Variants in THOC1 observed in about 807,000 individuals in gnomAD.
THOC1 encodes the protein THO complex subunit 1.
A neutral mutation model predicts 97.3 loss-of-function variants in THOC1; 29 were observed. That is an observed-to-expected ratio of 0.30 (90% CI 0.22 to 0.41). The LOEUF (loss-of-function observed/expected upper bound fraction) is 0.41, where lower values mean the gene tolerates loss of function less well. THOC1 is among the 10% of genes least tolerant of loss of function. THOC1 has a pLI of 1.00. For synonymous variants in THOC1, 255 were observed against 257.0 expected (o/e 0.99, Z 0.07); for missense variants, 529 against 761.9 (o/e 0.69, Z 3.60).
intron 11 of THOC1, among the ~76,000 whole-genome samples, chr18:243,059 AG>A (rs1911961033): frequency 6.6e-6 from 1 of 152,248 alleles, no homozygotes; most frequent in Admixed American, 6.5e-5. Context: ...TTGTTGCTTA[AG>A]GGGCAACAAA....
At chr18:230,463 G>T (rs1030938759) in intron 11 of THOC1, among the ~76,000 whole-genome samples, 5 of 152,150 alleles carry the variant, frequency 3.3e-5, no homozygotes, top group Non-Finnish European at 5.9e-5. Flanking sequence ...AGAAACAATG[G>T]ATTGAAAATA....
At chr18:225,068 G>T in intron 14 of THOC1, 21 bp downstream of exon 14, 1 of 1,569,680 alleles carries the variant, frequency 6.4e-7, no homozygotes, top group Non-Finnish European at 8.7e-7. Flanking sequence ...AGAAGAGGAT[G>T]TAAGCATAAA....
intron 7 of THOC1, among the ~76,000 whole-genome samples, chr18:255,676 G>A (rs967147436): frequency 2.6e-5 from 4 of 152,180 alleles, no homozygotes; most frequent in African/African-American, 9.6e-5. Context: ...GATGAAGGTG[G>A]CTACACTCAA....
chr18:216,999 T>A (rs1910914637), intron 18 of THOC1, among the ~76,000 whole-genome samples: 1 of 152,244 alleles, frequency 6.6e-6, no homozygotes, highest in Non-Finnish European at 1.5e-5. Context: ...TTGGAATCCA[T>A]GAACTGTTCC....
chr18:260,375 T>C, intron 4 of THOC1, 71 bp from the exon 5 acceptor site: 1 of 967,840 alleles, frequency 1.0e-6, no homozygotes, highest in Non-Finnish European at 1.4e-6. Context: ...GAAAAATAAT[T>C]CTGAAGAATA....
chr18:232,437 C>T (rs954026614), intron 11 of THOC1, among the ~76,000 whole-genome samples: 4 of 151,866 alleles, frequency 2.6e-5, no homozygotes, highest in Non-Finnish European at 1.5e-5. Context: ...GATTTGCCAA[C>T]CCCTGCTATA....
intron 10 of THOC1, 56 bp from the exon 11 acceptor site, chr18:246,511 C>T: frequency 6.8e-7 from 1 of 1,466,580 alleles, no homozygotes; most frequent in Non-Finnish European, 9.3e-7. Flanking sequence ...TTGTTTAGTG[C>T]TTTTCTGCAT....
At chr18:259,086 G>T in intron 7 of THOC1, 94 bp downstream of exon 7, 3 of 943,776 alleles carry the variant, frequency 3.2e-6, no homozygotes, top group Non-Finnish European at 3.2e-6. Context: ...CAACTTTTTA[G>T]AACCATTTTT....
rs750401436 is a variant in THOC1 at position 267,988 on chromosome 18, G to A, written c.32C>T (p.Pro11Leu). 5.6e-6 allele frequency: 9 copies of A among 1,611,604 alleles called. No individual in the cohort carries two copies. The highest frequency in any genetic ancestry group is 1.7e-5 in the Admixed American group (1 of 59,890). MSPTPPLFSL[P>L]EARTRFTKST... ...CACCGTAAACCGCGTCCGCGCTTCG[G>A]GCAAACTGAAGAGCGGCGGCGTCGG... The change falls in exon 1 of 21, where the codon CCC becomes CTC. Residue 11 changes from proline to leucine, a missense_variant. Transcript: ENST00000261600.
Position 265,524 on chromosome 18 carries a change from T to A in THOC1, c.61A>T (p.Thr21Ser). 6.3e-7 allele frequency: 1 copy of A among 1,575,552 alleles called. No homozygotes were observed. Among genetic ancestry groups the A allele is most frequent in the Admixed American group, 1.9e-5 (1 of 52,290 alleles). The change falls in exon 2 of 21, where the codon ACC (threonine) becomes TCC (serine). Residue 21 changes from threonine to serine, a missense_variant. By Grantham distance (58) the Thr-to-Ser change is moderately conservative (BLOSUM62 1). Coordinates refer to ENST00000261600, the MANE Select transcript of THOC1 (RefSeq NM_005131.3). The part of the protein sequence containing the change: ...PEARTRFTKS[T>S]REALNNKNIK... ...TTTTTGTTGTTCAAGGCCTCTCTGG[T>A]AGACTTCTAAAAAAAAATTAAAATG...
At chr18:216,102 T>C (rs1042019246) in intron 19 of THOC1, 26 of 166,702 alleles carry the variant, frequency 1.6e-4, no homozygotes, top group African/African-American at 5.3e-4. Flanking sequence ...TACAGGCACG[T>C]GCCACCACAC....
chr18:235,442 TGACA>T (rs998998785), intron 11 of THOC1, among the ~76,000 whole-genome samples: 8 of 152,288 alleles, frequency 5.3e-5, no homozygotes, highest in African/African-American at 1.9e-4. Context: ...CACTCTTTCT[TGACA>T]TTTTTTCCAT....
intron 4 of THOC1, among the ~76,000 whole-genome samples, chr18:263,105 G>A (rs1223039880): frequency 1.3e-5 from 2 of 151,630 alleles, no homozygotes; most frequent in Non-Finnish European, 2.9e-5. Flanking sequence ...TTTTGAGATG[G>A]AGTCTTGCTC....
chr18:250,648 G>A (rs1912249330), intron 9 of THOC1, among the ~76,000 whole-genome samples: 1 of 152,212 alleles, frequency 6.6e-6, no homozygotes, highest in African/African-American at 2.4e-5. Flanking sequence ...TGGGTAATGA[G>A]TTCTGCTTTG....
intron 17 of THOC1, among the ~76,000 whole-genome samples, chr18:222,298 A>T (rs1911120378): frequency 6.6e-6 from 1 of 152,204 alleles, no homozygotes; most frequent in South Asian, 2.1e-4. Flanking sequence ...CATGTTTACC[A>T]AAGTGTCTAC....
chr18:252,715 A>C, intron 8 of THOC1, 103 bp from the exon 9 acceptor site: 1 of 891,936 alleles, frequency 1.1e-6, no homozygotes, highest in Non-Finnish European at 1.8e-6. Flanking sequence ...GGCAACCCAC[A>C]GTTAGAGAAG....
Position 232,659 on chromosome 18 carries a change from T to G in THOC1, c.919-5758A>C, listed in dbSNP as rs1048732890. On this transcript the variant is annotated intron_variant, in intron 11 of 20. Coordinates refer to ENST00000261600, the MANE Select transcript of THOC1 (RefSeq NM_005131.3). ...TAGGAACAAATTTTAACTTCACTAG[T>G]TTTTACAAAAGTATTCTGCAAAGTG... Among the ~76,000 whole-genome samples the G allele has an allele frequency of 2.0e-5, 3 of 152,086 alleles. No homozygotes were observed. In the East Asian group the frequency reaches 5.8e-4, roughly 29 times the overall value.
intron 4 of THOC1, among the ~76,000 whole-genome samples, chr18:262,494 C>T (rs1325184174): frequency 1.3e-5 from 2 of 152,128 alleles, no homozygotes; most frequent in Admixed American, 1.3e-4. Context: ...AGTCCTTATC[C>T]TTCTCAAAAG....
At chr18:264,182 T>C in intron 3 of THOC1, 90 bp from the exon 4 acceptor site, 1 of 815,108 alleles carries the variant, frequency 1.2e-6, no homozygotes, top group Non-Finnish European at 1.9e-6. Context: ...GATATTAAAT[T>C]GACTATCAGA....
Sources: allele counts gnomAD v4.1 joint callset (sites outside exome capture counted in the v4.1 genomes callset), GRCh38; gene constraint gnomAD v4.1.1; transcripts MANE v1.5; gene names NCBI Gene and HGNC (gene_info 2026-07-23, HGNC 2026-07-21).